NXPH1: variants seen among roughly 807,000 people sequenced by gnomAD.
NXPH1 encodes neurexophilin-1.
NXPH1 carries 5 observed loss-of-function variants against 23.7 expected under a neutral mutation model. The observed-to-expected ratio is 0.21, with a 90% CI of 0.11 to 0.44. The LOEUF (loss-of-function observed/expected upper bound fraction) is 0.44. NXPH1 is among the 20% of genes least tolerant of loss of function. The pLI is 0.99. For missense variants in NXPH1, 324 were observed against 321.6 expected (o/e 1.01, Z -0.06); for synonymous variants, 144 against 122.2 (o/e 1.18, Z -1.18).
intron 2 of NXPH1, among the ~76,000 whole-genome samples, chr7:8,462,070 G>GAC (rs72564385): frequency 0.59 from 89,331 of 151,554 alleles, 28,673 homozygotes; most frequent in African/African-American, 0.85. Flanking sequence ...TATTTTTTGA[G>GAC]AGAGTCTCAC....
At chr7:8,502,259 T>C (rs1250163419) in intron 2 of NXPH1, among the ~76,000 whole-genome samples, 1 of 152,198 alleles carries the variant, frequency 6.6e-6, no homozygotes, top group East Asian at 1.9e-4. Flanking sequence ...TACTAAGATG[T>C]GTTTAATGGC....
chr7:8,440,962 T>C (rs925227224), intron 2 of NXPH1, among the ~76,000 whole-genome samples: 1 of 152,206 alleles, frequency 6.6e-6, no homozygotes, highest in Admixed American at 6.5e-5. Context: ...CTTGCGCTCC[T>C]GTAAAGCAAG....
intron 2 of NXPH1, among the ~76,000 whole-genome samples, chr7:8,446,010 A>G (rs760931410): frequency 2.6e-5 from 4 of 152,248 alleles, no homozygotes; most frequent in Non-Finnish European, 5.9e-5. Flanking sequence ...GCTGGATGTT[A>G]TTAGAGGCCC....
chr7:8,646,374 A>G (rs945702395), intron 2 of NXPH1, among the ~76,000 whole-genome samples: 3 of 152,130 alleles, frequency 2.0e-5, no homozygotes, highest in Admixed American at 6.5e-5. Context: ...TAACTTGTAT[A>G]TTATTTCATG....
intron 2 of NXPH1, among the ~76,000 whole-genome samples, chr7:8,748,300 A>G (rs1780505919): frequency 6.6e-6 from 1 of 152,184 alleles, no homozygotes; most frequent in Admixed American, 6.5e-5. Context: ...CATAGGGGAA[A>G]GGAGAGATAC....
At chr7:8,570,259 G>A (rs968462336) in intron 2 of NXPH1, among the ~76,000 whole-genome samples, 4 of 151,920 alleles carry the variant, frequency 2.6e-5, no homozygotes, top group African/African-American at 9.7e-5. Flanking sequence ...GGTAACTAAA[G>A]TGAGATATGA....
At chr7:8,598,955 G>C (rs145905691) in intron 2 of NXPH1, among the ~76,000 whole-genome samples, 1 of 152,016 alleles carries the variant, frequency 6.6e-6, no homozygotes, top group East Asian at 1.9e-4. Flanking sequence ...ATTTCAATTT[G>C]TTCATTTATT....
intron 2 of NXPH1, among the ~76,000 whole-genome samples, chr7:8,444,866 G>A (rs1306071184): frequency 3.9e-5 from 6 of 152,204 alleles, no homozygotes; most frequent in Non-Finnish European, 5.9e-5. Flanking sequence ...GGCCTTCCAG[G>A]CATTAAAGTA....
intron 2 of NXPH1, among the ~76,000 whole-genome samples, chr7:8,592,950 C>T (rs1473948412): frequency 1.3e-5 from 2 of 151,824 alleles, no homozygotes; most frequent in Admixed American, 6.6e-5. Context: ...CCTACTCCCA[C>T]CTGCTCTCCT....
chr7:8,733,961 T>C (rs539837859), intron 2 of NXPH1, among the ~76,000 whole-genome samples: 1 of 152,348 alleles, frequency 6.6e-6, no homozygotes, highest in Non-Finnish European at 1.5e-5. Flanking sequence ...CATGCCTATG[T>C]CCTGAATGGT....
At chr7:8,728,296 T>C (rs1303984146) in intron 2 of NXPH1, among the ~76,000 whole-genome samples, 1 of 152,210 alleles carries the variant, frequency 6.6e-6, no homozygotes. Context: ...AGGGACAATT[T>C]GACTTCCTCT....
chr7:8,460,522 TGTTTA>T (rs757558252), intron 2 of NXPH1, among the ~76,000 whole-genome samples: 21 of 152,218 alleles, frequency 1.4e-4, no homozygotes, highest in Non-Finnish European at 2.1e-4. Context: ...GAAGCAGGTT[TGTTTA>T]GTTAGTAATA....
At chr7:8,559,952 T>C (rs1196298324) in intron 2 of NXPH1, among the ~76,000 whole-genome samples, 1 of 151,718 alleles carries the variant, frequency 6.6e-6, no homozygotes, top group Non-Finnish European at 1.5e-5. Context: ...GAATCGATTA[T>C]TGATATCTAC....
intron 2 of NXPH1, among the ~76,000 whole-genome samples, chr7:8,660,403 T>C (rs1366113841): frequency 2.6e-5 from 4 of 152,150 alleles, no homozygotes; most frequent in Non-Finnish European, 5.9e-5. Context: ...CGGGTGAAAG[T>C]TTTGAAAAGA....
intron 2 of NXPH1, among the ~76,000 whole-genome samples, chr7:8,491,537 A>G (rs1185342725): frequency 6.6e-6 from 1 of 152,042 alleles, no homozygotes; most frequent in East Asian, 1.9e-4. Context: ...TTTGATTGTA[A>G]ATCTCAAAGA....
intron 2 of NXPH1, among the ~76,000 whole-genome samples, chr7:8,489,506 A>C (rs1163770400): frequency 6.6e-6 from 1 of 152,084 alleles, no homozygotes; most frequent in Non-Finnish European, 1.5e-5. Context: ...CTGAAGTCTG[A>C]CTGGGGCTAA....
intron 2 of NXPH1, among the ~76,000 whole-genome samples, chr7:8,714,275 G>C (rs550373852): frequency 6.6e-6 from 1 of 151,966 alleles, no homozygotes; most frequent in African/African-American, 2.4e-5. Flanking sequence ...TAAGGCCCAA[G>C]GGCTCTTTAC....
At chr7:8,726,145 A>C (rs1373095713) in intron 2 of NXPH1, among the ~76,000 whole-genome samples, 19 of 152,166 alleles carry the variant, frequency 1.2e-4, no homozygotes, top group Admixed American at 1.2e-3. Flanking sequence ...GTGTGTTTTT[A>C]TATAAAGTTG....
intron 2 of NXPH1, among the ~76,000 whole-genome samples, chr7:8,733,728 AT>A (rs1307657546): frequency 6.6e-6 from 1 of 150,556 alleles, no homozygotes; most frequent in East Asian, 2.0e-4. Context: ...TGATGGGATT[AT>A]TTTTTTCTTG....
Sources: allele counts gnomAD v4.1 joint callset (sites outside exome capture counted in the v4.1 genomes callset), GRCh38; gene constraint gnomAD v4.1.1; transcripts MANE v1.5; gene names NCBI Gene and HGNC (gene_info 2026-07-23, HGNC 2026-07-21).